Variants in FLT4 observed in about 807,000 individuals in gnomAD.
The protein encoded by FLT4 is vascular endothelial growth factor receptor 3.
In FLT4, 30 loss-of-function variants were observed where a neutral mutation model predicts 163.2. That is an observed-to-expected ratio of 0.18 (90% CI 0.14 to 0.25). FLT4 has a LOEUF of 0.25. Ranked by LOEUF, FLT4 falls within the 10% of genes least tolerant of loss-of-function variation. The pLI is 1.00. For synonymous variants in FLT4, 884 were observed against 789.5 expected (o/e 1.12, Z -2.01); for missense variants, 1,510 against 1,863.8 (o/e 0.81, Z 3.50).
chr5:180,603,159 C>T lies in FLT4; in HGVS notation c.*33G>A, dbSNP rs753054153. ...CTCTGCCCGCCCTGCCGGGCCTGAA[C>T]CCCCAAGTGCTGGGGGTCTTGTCCG... On this transcript the variant is annotated 3_prime_UTR_variant, in exon 30 of 30. Transcript: ENST00000261937. 8.7e-6 allele frequency: 14 copies of T among 1,609,734 alleles called. No individual in the cohort carries two copies. In the African/African-American group the frequency reaches 1.6e-4, roughly 18 times the overall value.
chr5:180,631,644 A>G (rs751387587), intron 2 of FLT4, 38 bp downstream of exon 2: 1 of 1,518,514 alleles, frequency 6.6e-7, no homozygotes, highest in South Asian at 1.1e-5. Flanking sequence ...GGGCTTGTGC[A>G]GCCTCTCTGG....
At chr5:180,611,611 T>C (rs111549847) in intron 26 of FLT4, 132 bp from the exon 27 acceptor site, 49 of 915,884 alleles carry the variant, frequency 5.4e-5, no homozygotes, top group African/African-American at 1.3e-4. Flanking sequence ...CGCACTCAGC[T>C]CTCGCCCCCG....
At chr5:180,611,700 C>T (rs1200455135) in intron 26 of FLT4, 4 of 605,830 alleles carry the variant, frequency 6.6e-6, no homozygotes, top group Non-Finnish European at 1.2e-5. Context: ...CCCTAACAGA[C>T]CATGCGGGCA....
Position 180,621,439 on chromosome 5 carries a change from G to A in FLT4, c.2020+103C>T. The A allele has an allele frequency of 3.9e-6, 6 of 1,520,530 alleles. No homozygotes were observed. In the South Asian group the frequency reaches 6.1e-5, roughly 15 times the overall value. The allele number at this position is 1,520,530 out of a possible 1,614,324, so 94.2% of individuals were successfully genotyped here. Reference sequence around the variant, plus strand: ...AGGAGGGGTAGCTCCTGCAGGCCAGGGCTGTGAATAGACCTCCCAGGGGCG... The same window carrying A: ...AGGAGGGGTAGCTCCTGCAGGCCAGAGCTGTGAATAGACCTCCCAGGGGCG... On this transcript the variant is annotated intron_variant, in intron 13 of 29. Transcript: ENST00000261937.
In FLT4 at chr5:180,609,043, G is replaced by C. The variant is rs770390886; in HGVS notation, c.3818C>G (p.Thr1273Arg). The C allele has an allele frequency of 6.8e-6, 11 of 1,614,182 alleles. No individual in the cohort carries two copies. The highest frequency in any genetic ancestry group is 9.3e-6 in the Non-Finnish European group (11 of 1,179,994). Residue 1273 changes from threonine (T) to arginine (R), a missense_variant, in exon 29 of 30, where the codon ACA becomes AGA. Physicochemically the swap from Thr to Arg is moderately conservative, Grantham distance 71. Coordinates refer to ENST00000261937, the MANE Select transcript of FLT4 (RefSeq NM_182925.5). ...TTYKGSVDNQ[T>R]DSGMVLASEE... The stretch of plus-strand genomic sequence containing the variant: ...CGAGGCCAGCACCATCCCACTGTCT[G>C]TCTGGTTGTCCTGTGTGGAGAGGAC...
At chr5:180,633,942 C>T (rs1050373370) in intron 1 of FLT4, among the ~76,000 whole-genome samples, 3 of 151,982 alleles carry the variant, frequency 2.0e-5, no homozygotes, top group Admixed American at 2.0e-4. Context: ...AGCTGGTGGC[C>T]CCCTTCTCAG....
chr5:180,619,149 G>T (rs767265817), intron 19 of FLT4, 40 bp from the exon 20 acceptor site: 7 of 1,400,396 alleles, frequency 5.0e-6, no homozygotes, highest in Non-Finnish European at 6.5e-6. Flanking sequence ...TTCGGAACCC[G>T]GGGCGCGCTG....
intron 5 of FLT4, 39 bp downstream of exon 5, chr5:180,629,904 G>C: frequency 6.2e-7 from 1 of 1,612,658 alleles, no homozygotes; most frequent in Non-Finnish European, 8.5e-7. Context: ...GTGAGGCAGT[G>C]ACAGCCCCGT....
chr5:180,626,742 G>A (rs1204382833), intron 8 of FLT4, among the ~76,000 whole-genome samples: 2 of 152,236 alleles, frequency 1.3e-5, no homozygotes, highest in Non-Finnish European at 2.9e-5. Flanking sequence ...TGGAGGTGCA[G>A]TCCCTGCGAG....
chr5:180,608,880 G>C, intron 29 of FLT4, 88 bp downstream of exon 29: 1 of 1,149,184 alleles, frequency 8.7e-7, no homozygotes, highest in Non-Finnish European at 1.3e-6. Context: ...TCCGGGAAGA[G>C]GGCTGGGCAC....
At chr5:180,650,274 C>A (rs947865822), upstream of FLT4, among the ~76,000 whole-genome samples, 24 of 152,100 alleles carry the variant, frequency 1.6e-4, no homozygotes, top group Non-Finnish European at 2.6e-4. Flanking sequence ...GCGGGACACC[C>A]GGGATGACCG....
rs1406184972 is a variant in FLT4 at position 180,620,946 on chromosome 5, C to G, written c.2229G>C (p.Ala743=). The part of the protein sequence containing the change: ...LSIQRVREED[A]GRYLCSVCNA... Reference sequence around the variant, plus strand: ...TGCACACGCTGCACAGATAGCGTCCCGCATCCTCCTCGCGCACGCGCTGGA... The same window carrying G: ...TGCACACGCTGCACAGATAGCGTCCGGCATCCTCCTCGCGCACGCGCTGGA... Residue 743 remains alanine (A), a synonymous_variant, in exon 15 of 30, where the codon GCG becomes GCC. Coordinates refer to ENST00000261937, the MANE Select transcript of FLT4 (RefSeq NM_182925.5). The surrounding 1 kb of genome is among the most constrained non-coding windows in gnomAD (Gnocchi z 4.4). The G allele has an allele frequency of 1.2e-6, 2 of 1,610,258 alleles. No homozygotes were observed. Among genetic ancestry groups the G allele is most frequent in the African/African-American group, 1.3e-5 (1 of 74,920 alleles).
chr5:180,626,819 C>T (rs1035305524), intron 8 of FLT4, among the ~76,000 whole-genome samples: 1 of 152,192 alleles, frequency 6.6e-6, no homozygotes, highest in African/African-American at 2.4e-5. Flanking sequence ...GCCCACACCC[C>T]GCCCCCAGGC....
chr5:180,608,879 A>G (rs372486921), intron 29 of FLT4, 89 bp downstream of exon 29: 7 of 1,128,844 alleles, frequency 6.2e-6, no homozygotes, highest in East Asian at 4.7e-5. Flanking sequence ...TTCCGGGAAG[A>G]GGGCTGGGCA....
chr5:180,609,077 C>T, intron 28 of FLT4, 24 bp from the exon 29 acceptor site: 2 of 1,607,708 alleles, frequency 1.2e-6, no homozygotes, highest in Non-Finnish European at 1.7e-6. Context: ...ACAAGCCAGG[C>T]TGTGGGTCCC....
chr5:180,607,992 C>T (rs1341226286), intron 29 of FLT4: 3 of 658,348 alleles, frequency 4.6e-6, no homozygotes, highest in Non-Finnish European at 8.2e-6. Context: ...AGGGCGTCTC[C>T]CTTTCCTTGG....
At chr5:180,610,536 G>A (rs1329724047) in intron 27 of FLT4, among the ~76,000 whole-genome samples, 1 of 152,238 alleles carries the variant, frequency 6.6e-6, no homozygotes, top group African/African-American at 2.4e-5. Flanking sequence ...TGCTGTGAAT[G>A]GGGCCAGCAC....
intron 27 of FLT4, 59 bp downstream of exon 27, chr5:180,611,272 A>C: frequency 6.3e-7 from 1 of 1,596,314 alleles, no homozygotes; most frequent in Non-Finnish European, 8.6e-7. Flanking sequence ...GAGGGATAAA[A>C]TGCACCTTGT....
intron 29 of FLT4, chr5:180,608,264 C>T: frequency 2.9e-6 from 2 of 700,118 alleles, no homozygotes; most frequent in Non-Finnish European, 5.2e-6. Flanking sequence ...ATGCTGCCTT[C>T]TCTCTCTCTG....
Sources: allele counts gnomAD v4.1 joint callset (sites outside exome capture counted in the v4.1 genomes callset), GRCh38; gene constraint gnomAD v4.1.1; non-coding constraint Gnocchi (gnomAD v3.1); transcripts MANE v1.5; gene names NCBI Gene and HGNC (gene_info 2026-07-23, HGNC 2026-07-21).